The following MAFK variants were observed in gnomAD, a reference collection of about 807,000 sequenced individuals.
The protein encoded by MAFK is transcription factor MafK.
MAFK carries 1 observed loss-of-function variant against 9.2 expected under a neutral mutation model. The ratio of observed to expected loss-of-function variants is 0.11; its 90% confidence interval spans 0.04 to 0.52. MAFK has a LOEUF of 0.52. Among genes scored for constraint, MAFK ranks in the 20% least tolerant of loss-of-function variants. The pLI is 0.94. For missense variants in MAFK, 207 were observed against 236.0 expected (o/e 0.88, Z 0.81); for synonymous variants, 110 against 107.4 (o/e 1.02, Z -0.15).
chr7:1,538,997 G>A (rs1326875267), intron 1 of MAFK, among the ~76,000 whole-genome samples, 152 bp from the exon 2 acceptor site: 1 of 152,154 alleles, frequency 6.6e-6, no homozygotes, highest in Non-Finnish European at 1.5e-5. Context: ...CCCTCAGGAC[G>A]GGCTGGGCCC....
rs1489911183 is a variant in MAFK at position 1,540,518 on chromosome 7, GA to G, written c.*145del. 1.2e-6 allele frequency: 1 copy of G among 841,480 alleles called. No homozygotes were observed. Among genetic ancestry groups the G allele is most frequent in the African/African-American group, 1.7e-5 (1 of 57,884 alleles). 52.1% of individuals were successfully genotyped at this position (841,480 alleles called of 1,614,324 possible). On this transcript the variant is annotated 3_prime_UTR_variant, in exon 3 of 3. Coordinates refer to ENST00000343242, the MANE Select transcript of MAFK (RefSeq NM_002360.4). ...CTCGGGCGCAGGCAGCTCACACCAG[GA>G]AGAGACTGTATTGCAGGGTGAAGAG...
At chr7:1,533,756 G>A (rs1337984398) in intron 1 of MAFK, among the ~76,000 whole-genome samples, 1 of 152,008 alleles carries the variant, frequency 6.6e-6, no homozygotes, top group Non-Finnish European at 1.5e-5. Flanking sequence ...AAAAGAGAGA[G>A]GGGCAGGGGC....
At position 1,540,039 on chromosome 7, in the gene MAFK, C is replaced by T. The variant is rs959846030; in HGVS notation, c.135C>T (p.Thr45=). ...RELNQHLRGL[T]KEEVTRLKQR... ...TGAACCAGCACCTGCGGGGTCTCAC[C>T]AAGGAGGAGGTGACCCGCCTGAAGC... Residue 45 remains threonine (T), a synonymous_variant, in exon 3 of 3, where the codon ACC becomes ACT. Transcript: ENST00000343242. The T allele has an allele frequency of 1.3e-6, 2 of 1,559,364 alleles. No individual in the cohort carries two copies. The highest frequency in any genetic ancestry group is 1.7e-6 in the Non-Finnish European group (2 of 1,151,790).
In MAFK at chr7:1,540,284, C is replaced by T. The variant is rs757906087; in HGVS notation, c.380C>T (p.Ala127Val). ...CGCACCGTGGCCCGGGGACCTGTGGCGCCCTCCAAGGTGGCCACCACCAGC... is the reference window on the plus strand; with the variant it reads ...CGCACCGTGGCCCGGGGACCTGTGGTGCCCTCCAAGGTGGCCACCACCAGC... ...FARTVARGPV[A>V]PSKVATTSVI... Residue 127 changes from alanine to valine, a missense_variant, in exon 3 of 3, where the codon GCG becomes GTG. Coordinates refer to ENST00000343242, the MANE Select transcript of MAFK (RefSeq NM_002360.4). The T allele has an allele frequency of 3.1e-5, 50 of 1,611,388 alleles. No homozygotes were observed. The highest frequency in any genetic ancestry group is 1.6e-4 in the Middle Eastern group (1 of 6,076).
intron 1 of MAFK, chr7:1,537,343 C>T (rs1188745833): frequency 3.1e-6 from 3 of 980,958 alleles, no homozygotes; most frequent in East Asian, 2.3e-4. Context: ...ATGCGCGCGG[C>T]TCTGTAAACA....
intron 1 of MAFK, chr7:1,538,820 A>G (rs1784102306): frequency 3.8e-6 from 1 of 264,302 alleles, no homozygotes; most frequent in Non-Finnish European, 7.3e-6. Context: ...CGGCGGCTGC[A>G]GCCCAGGTCT....
chr7:1,534,598 A>G lies in MAFK; in HGVS notation c.-45+3700A>G. 6.6e-6 allele frequency: 3 copies of G among 456,130 alleles called. No homozygotes were observed. The highest frequency in any genetic ancestry group is 1.3e-5 in the Non-Finnish European group (3 of 226,792). 28.3% of individuals were successfully genotyped at this position (456,130 alleles called of 1,614,324 possible). On this transcript the variant is annotated intron_variant, in intron 1 of 2. Coordinates refer to ENST00000343242, the MANE Select transcript of MAFK (RefSeq NM_002360.4). The surrounding 1 kb of genome is among the most constrained non-coding windows in gnomAD (Gnocchi z 4.3). ...GCCCCTCCTCCCTCTCCCGCATCCC[A>G]CATCCTCGGAGACCCGCGGAGAATA... is the stretch of plus-strand genomic sequence containing the variant.
chr7:1,534,170 C>G lies in MAFK; in HGVS notation c.-45+3272C>G, dbSNP rs371940307. On this transcript the variant is annotated intron_variant, in intron 1 of 2. Coordinates refer to ENST00000343242, the MANE Select transcript of MAFK (RefSeq NM_002360.4). This position sits in a 1 kb window ranked among gnomAD's most constrained non-coding sequence, Gnocchi z 4.3. ...CTGCGGGGTGCCAAGTGGGGTGCCT[C>G]CCGCATGCTTAGTGGGGCTGTGTCC... is the stretch of plus-strand genomic sequence containing the variant. The G allele has an allele frequency of 8.9e-6, 4 of 449,434 alleles. No individual in the cohort carries two copies. Among genetic ancestry groups the G allele is most frequent in the Non-Finnish European group, 4.5e-6 (1 of 221,674 alleles). The allele number at this position is 449,434 out of a possible 1,614,324, so 27.8% of individuals were successfully genotyped here. A position where few individuals can be genotyped will look rare whatever the true frequency, so the allele number is the denominator to read the frequency against.
chr7:1,534,754 T>C lies in MAFK; in HGVS notation c.-45+3856T>C, dbSNP rs1783987149. On this transcript the variant is annotated intron_variant, in intron 1 of 2. Transcript: ENST00000343242. This position sits in a 1 kb window ranked among gnomAD's most constrained non-coding sequence, Gnocchi z 4.3. ...ATCCAGAGCCCCCATGCTGGCCTCG[T>C]AGAGCGAGCGGCAGCCCCGATGCGT... 2.4e-6 allele frequency: 1 copy of C among 414,686 alleles called. No individual in the cohort carries two copies. The highest frequency in any genetic ancestry group is 5.0e-6 in the Non-Finnish European group (1 of 200,616). The allele number at this position is 414,686 out of a possible 1,614,324, so 25.7% of individuals were successfully genotyped here.
rs1403993059 is a variant in MAFK at position 1,534,719 on chromosome 7, C to T, written c.-45+3821C>T. The T allele has an allele frequency of 2.2e-6, 1 of 445,956 alleles. No individual in the cohort carries two copies. The highest frequency in any genetic ancestry group is 2.0e-5 in the African/African-American group (1 of 49,866). The allele number at this position is 445,956 out of a possible 1,614,324, so 27.6% of individuals were successfully genotyped here. A position where few individuals can be genotyped will look rare whatever the true frequency, so the allele number is the denominator to read the frequency against. ...TCATCATTCACCCCTTGGGCAAGAA[C>T]AAGTGACCCATCCAGAGCCCCCATG... On this transcript the variant is annotated intron_variant, in intron 1 of 2. Coordinates refer to ENST00000343242, the MANE Select transcript of MAFK (RefSeq NM_002360.4). This position sits in a 1 kb window ranked among gnomAD's most constrained non-coding sequence, Gnocchi z 4.3.
chr7:1,536,165 C>G (rs1011724752), intron 1 of MAFK, among the ~76,000 whole-genome samples: 1 of 152,226 alleles, frequency 6.6e-6, no homozygotes, highest in Non-Finnish European at 1.5e-5. Flanking sequence ...CCCTTACTTA[C>G]GTCGGCTGCT....
intron 1 of MAFK, among the ~76,000 whole-genome samples, chr7:1,533,626 A>T (rs888810674): frequency 2.0e-5 from 3 of 152,094 alleles, no homozygotes; most frequent in Non-Finnish European, 2.9e-5. Context: ...AGGGCATCCC[A>T]TTTGGCAAAG....
In MAFK at chr7:1,535,217, TTGG is replaced by T. The variant is rs1784000281; in HGVS notation, c.-44-3928_-44-3926del. Among the ~76,000 whole-genome samples the T allele has an allele frequency of 4.0e-5, 6 of 151,202 alleles. 1 individual carries two copies. The highest frequency in any genetic ancestry group is 2.7e-4 in the Admixed American group (4 of 15,084). ...AAGAGCCACTGTGCCCAGTCCCAAC[TTGG>T]TGGAGAAAATGTTCCCTCCTGGACC... On this transcript the variant is annotated intron_variant, in intron 1 of 2. Transcript: ENST00000343242.
chr7:1,535,082 A>ATTTTTT (rs1554285288), intron 1 of MAFK, among the ~76,000 whole-genome samples: 1 of 67,864 alleles, frequency 1.5e-5, no homozygotes, highest in Non-Finnish European at 2.9e-5. Context: ...GCTATTTAAA[A>ATTTTTT]TTCTTTTTTT....
intron 1 of MAFK, among the ~76,000 whole-genome samples, chr7:1,531,173 G>GC (rs1783895834): frequency 6.7e-6 from 1 of 149,366 alleles, no homozygotes; most frequent in African/African-American, 2.4e-5. Flanking sequence ...CGCGCCGGGG[G>GC]CCCCAGGGCG....
Position 1,534,171 on chromosome 7 carries a change from C to T in MAFK, c.-45+3273C>T. 1 of 449,608 alleles carries T rather than the reference C, an allele frequency of 2.2e-6. No homozygotes were observed. The highest frequency in any genetic ancestry group is 4.5e-6 in the Non-Finnish European group (1 of 221,806). 27.9% of individuals were successfully genotyped at this position (449,608 alleles called of 1,614,324 possible). A position where few individuals can be genotyped will look rare whatever the true frequency, so the allele number is the denominator to read the frequency against. On this transcript the variant is annotated intron_variant, in intron 1 of 2. Transcript: ENST00000343242. This position sits in a 1 kb window ranked among gnomAD's most constrained non-coding sequence, Gnocchi z 4.3. The stretch of plus-strand genomic sequence containing the variant: ...TGCGGGGTGCCAAGTGGGGTGCCTC[C>T]CGCATGCTTAGTGGGGCTGTGTCCG...
intron 1 of MAFK, among the ~76,000 whole-genome samples, chr7:1,535,236 C>G (rs567708956): frequency 1.0e-3 from 152 of 152,248 alleles, no homozygotes; most frequent in African/African-American, 3.4e-3. Flanking sequence ...AAAATGTTCC[C>G]TCCTGGACCC....
chr7:1,533,944 G>A, intron 1 of MAFK: 1 of 289,106 alleles, frequency 3.5e-6, no homozygotes, highest in East Asian at 9.1e-5. Context: ...GCCAGGGCGG[G>A]GACTGGAGGG....
In MAFK at chr7:1,532,671, C is replaced by A. The variant is rs956432565; in HGVS notation, c.-45+1773C>A. Among the ~76,000 whole-genome samples, 1 of 152,190 alleles carries A rather than the reference C, an allele frequency of 6.6e-6. No individual in the cohort carries two copies. The highest frequency in any genetic ancestry group is 1.5e-5 in the Non-Finnish European group (1 of 68,034). On this transcript the variant is annotated intron_variant, in intron 1 of 2. Transcript: ENST00000343242. This position sits in a 1 kb window ranked among gnomAD's most constrained non-coding sequence, Gnocchi z 4.5. ...CTGTTAAGGGAGACCGTCTTCCGGG[C>A]CACTTCGCTGTCTACAAGGCGTGTG...
Sources: gnomAD v4.1 joint callset for allele counts (sites outside exome capture counted in the v4.1 genomes callset) on GRCh38, gnomAD v4.1.1 for gene constraint, Gnocchi (gnomAD v3.1) non-coding constraint, MANE v1.5 for transcripts, NCBI Gene and HGNC (gene_info 2026-07-23, HGNC 2026-07-21) for gene names.